GRM7: variants seen among roughly 807,000 people sequenced by gnomAD.
GRM7 encodes the protein metabotropic glutamate receptor 7.
Under a neutral mutation model 84.5 loss-of-function variants are expected in GRM7, and 35 were observed. That is an observed-to-expected ratio of 0.41 (90% CI 0.32 to 0.55). The LOEUF is 0.55. Among genes scored for constraint, GRM7 ranks in the 20% least tolerant of loss-of-function variants. GRM7 has a pLI of 0.19. For synonymous variants in GRM7, 487 were observed against 455.1 expected, an observed-to-expected ratio of 1.07 and a Z score of -0.89; for missense variants, 1,003 against 1,194.6, an observed-to-expected ratio of 0.84 and a Z score of 2.36.
intron 7 of GRM7, among the ~76,000 whole-genome samples, chr3:7,568,964 G>T (rs1694491221): frequency 6.6e-6 from 1 of 152,194 alleles, no homozygotes. Context: ...ACCACCCAAG[G>T]GCTGAGGAGT....
chr3:6,934,035 G>A (rs775269169), intron 1 of GRM7, among the ~76,000 whole-genome samples: 3 of 152,180 alleles, frequency 2.0e-5, no homozygotes, highest in Non-Finnish European at 4.4e-5. Flanking sequence ...GTTCCAATGT[G>A]TGACTGACAA....
intron 1 of GRM7, among the ~76,000 whole-genome samples, chr3:6,954,438 C>A (rs1692934437): frequency 6.6e-6 from 1 of 152,154 alleles, no homozygotes; most frequent in Non-Finnish European, 1.5e-5. Context: ...CTGTCTGATT[C>A]TTCAAGAAAA....
chr3:7,555,679 A>T (rs1693722567), intron 7 of GRM7, among the ~76,000 whole-genome samples: 1 of 152,168 alleles, frequency 6.6e-6, no homozygotes, highest in South Asian at 2.1e-4. Context: ...TTACCCACTG[A>T]CACTTATATT....
rs560535173 is a variant in GRM7 at position 7,003,402 on chromosome 3, AT to A, written c.519+141502del. On this transcript the variant is annotated intron_variant, in intron 1 of 9. Transcript: ENST00000357716. ...GTCATTTTAAGATAAATAAATAGGT[AT>A]TTTTTTGTAAAAAAAAAAAGTTTTA... is the stretch of plus-strand genomic sequence containing the variant. 5.2e-3 allele frequency among the ~76,000 whole-genome samples: 770 copies of A among 148,264 alleles called. 10 individuals carry two copies. Among genetic ancestry groups the A allele is most frequent in the African/African-American group, 0.019 (719 of 37,772 alleles).
rs560013721 is a variant in GRM7 at position 6,901,261 on chromosome 3, T to C, written c.519+39354T>C. Among the ~76,000 whole-genome samples, 3 of 152,272 alleles carry C rather than the reference T, an allele frequency of 2.0e-5. No homozygotes were observed. The South Asian group carries it at 6.2e-4, about 32-fold the overall frequency. On this transcript the variant is annotated intron_variant, in intron 1 of 9. Transcript: ENST00000357716. ...AGTACAAATATTAATAGATATAATT[T>C]GGTTGCTTAAAAAGAGTTTTTCTTC...
chr3:7,554,186 C>T (rs1219884685), intron 7 of GRM7, among the ~76,000 whole-genome samples: 1 of 152,194 alleles, frequency 6.6e-6, no homozygotes, highest in Non-Finnish European at 1.5e-5. Context: ...TATATACAGT[C>T]CTTGAACCTA....
At chr3:7,007,917 T>C (rs941128051) in intron 1 of GRM7, among the ~76,000 whole-genome samples, 1 of 152,208 alleles carries the variant, frequency 6.6e-6, no homozygotes, top group African/African-American at 2.4e-5. Context: ...ATTTGGTTCT[T>C]GGCCCAACTG....
intron 4 of GRM7, among the ~76,000 whole-genome samples, chr3:7,309,137 C>T (rs1314104973): frequency 6.6e-6 from 1 of 152,122 alleles, no homozygotes; most frequent in Non-Finnish European, 1.5e-5. Context: ...TCCATCTAGC[C>T]ATATTGCCTA....
intron 9 of GRM7, among the ~76,000 whole-genome samples, chr3:7,688,976 C>T (rs1372393899): frequency 6.6e-6 from 1 of 152,312 alleles, no homozygotes; most frequent in South Asian, 2.1e-4. Flanking sequence ...TTTCTGCATC[C>T]TTTACATGAA....
chr3:7,530,127 G>A (rs531684328), intron 7 of GRM7, among the ~76,000 whole-genome samples: 110 of 130,600 alleles, frequency 8.4e-4, no homozygotes, highest in African/African-American at 3.0e-3. Flanking sequence ...GGTGTGTGAT[G>A]TTCCCCTCCC....
chr3:7,543,110 G>C (rs531065374), intron 7 of GRM7, among the ~76,000 whole-genome samples: 17 of 152,290 alleles, frequency 1.1e-4, no homozygotes, highest in African/African-American at 4.1e-4. Flanking sequence ...AGCAATTATG[G>C]TGTGTCCTAT....
intron 7 of GRM7, among the ~76,000 whole-genome samples, chr3:7,467,867 A>C (rs1333661560): frequency 1.3e-5 from 2 of 152,222 alleles, no homozygotes; most frequent in Non-Finnish European, 2.9e-5. Context: ...AAAGAAAAAA[A>C]AATCAGCCAT....
At chr3:7,128,113 T>C (rs1574938959) in intron 1 of GRM7, among the ~76,000 whole-genome samples, 1 of 151,522 alleles carries the variant, frequency 6.6e-6, no homozygotes, top group South Asian at 2.1e-4. Context: ...ATACTTATAA[T>C]AATATTTATG....
chr3:7,648,248 G>GT (rs60434793), intron 8 of GRM7, among the ~76,000 whole-genome samples: 10,514 of 145,938 alleles, frequency 0.072, 502 homozygotes, highest in African/African-American at 0.13. Context: ...GCTATAAATA[G>GT]TTTTTTTTTT....
At chr3:7,623,350 C>T (rs1386007626) in intron 8 of GRM7, among the ~76,000 whole-genome samples, 1 of 152,140 alleles carries the variant, frequency 6.6e-6, no homozygotes, top group African/African-American at 2.4e-5. Context: ...AATGTCTCTT[C>T]ATTGAAGATT....
At chr3:7,018,959 T>C (rs970345901) in intron 1 of GRM7, among the ~76,000 whole-genome samples, 8 of 152,234 alleles carry the variant, frequency 5.3e-5, no homozygotes, top group Admixed American at 2.0e-4. Context: ...TAGCCAGGCG[T>C]CATGGCGCAT....
chr3:7,643,036 G>A (rs1157156481), intron 8 of GRM7, among the ~76,000 whole-genome samples: 4 of 152,070 alleles, frequency 2.6e-5, no homozygotes, highest in Admixed American at 6.6e-5. Flanking sequence ...TCCTTAAGAC[G>A]GGGCTTTTTG....
chr3:7,440,614 C>T (rs1363074444), intron 5 of GRM7, among the ~76,000 whole-genome samples: 3 of 152,262 alleles, frequency 2.0e-5, no homozygotes, highest in East Asian at 1.9e-4. Context: ...AGGTGATAAA[C>T]GTAGTATCCG....
intron 1 of GRM7, among the ~76,000 whole-genome samples, chr3:6,968,830 C>T (rs1693628045): frequency 1.3e-5 from 2 of 152,062 alleles, no homozygotes; most frequent in South Asian, 4.1e-4. Context: ...CCATTGTTAC[C>T]CATTCCATAC....
Sources: allele counts gnomAD v4.1 joint callset (sites outside exome capture counted in the v4.1 genomes callset), GRCh38; gene constraint gnomAD v4.1.1; transcripts MANE v1.5; gene names NCBI Gene and HGNC (gene_info 2026-07-23, HGNC 2026-07-21).